The following NOXRED1 variants were observed in gnomAD, a reference collection of about 807,000 sequenced individuals.
NOXRED1 encodes the protein NADP dependent oxidoreductase domain containing 1.
Under a neutral mutation model 30.4 loss-of-function variants are expected in NOXRED1, and 20 were observed. That is an observed-to-expected ratio of 0.66 (90% CI 0.46 to 0.96). The LOEUF (loss-of-function observed/expected upper bound fraction) is 0.96, where lower values mean the gene tolerates loss of function less well. Ranked by LOEUF, NOXRED1 falls within the 40% of genes least tolerant of loss-of-function variation. The pLI, the probability that NOXRED1 is intolerant of heterozygous loss-of-function variation, is 0.00. For synonymous variants in NOXRED1, 155 were observed against 168.0 expected, an observed-to-expected ratio of 0.92 and a Z score of 0.60; for missense variants, 374 against 428.0, an observed-to-expected ratio of 0.87 and a Z score of 1.11.
At chr14:77,406,371 T>C in intron 4 of NOXRED1, 1 of 596,668 alleles carries the variant, frequency 1.7e-6, no homozygotes, top group South Asian at 2.1e-5. Flanking sequence ...TAGACATTGC[T>C]AATGGCAAAA....
Position 77,414,147 on chromosome 14 carries a change from A to T in NOXRED1, c.156-20T>A. The T allele has an allele frequency of 2.7e-6, 4 of 1,497,950 alleles. No homozygotes were observed. Among genetic ancestry groups the T allele is most frequent in the Non-Finnish European group, 3.7e-6 (4 of 1,094,838 alleles). 92.8% of individuals were successfully genotyped at this position (1,497,950 alleles called of 1,614,324 possible). Reference sequence around the variant, plus strand: ...GATGCTCTGGAGAATGAACACACAGACACGTACATAAATACATGCACACAC... The same window carrying T: ...GATGCTCTGGAGAATGAACACACAGTCACGTACATAAATACATGCACACAC... On this transcript the variant is annotated intron_variant, in intron 1 of 5. Transcript: ENST00000380835.
At chr14:77,409,735 G>A (rs1001628862) in intron 2 of NOXRED1, among the ~76,000 whole-genome samples, 1 of 151,638 alleles carries the variant, frequency 6.6e-6, no homozygotes, top group Non-Finnish European at 1.5e-5. Flanking sequence ...ATATTGCTTT[G>A]CAAAGAATAT....
chr14:77,396,451 G>A (rs950892954), intron 5 of NOXRED1, among the ~76,000 whole-genome samples: 2 of 151,878 alleles, frequency 1.3e-5, no homozygotes, highest in African/African-American at 4.8e-5. Flanking sequence ...GTTTCTCCAT[G>A]TTCATCAGGC....
At chr14:77,410,670 A>G (rs917096893) in intron 2 of NOXRED1, among the ~76,000 whole-genome samples, 2 of 152,180 alleles carry the variant, frequency 1.3e-5, no homozygotes, top group African/African-American at 4.8e-5. Context: ...TAAGAAAAAT[A>G]CAGGCACACC....
chr14:77,425,027 G>GT (rs1399155214), upstream of NOXRED1, among the ~76,000 whole-genome samples: 3 of 152,140 alleles, frequency 2.0e-5, no homozygotes, highest in Non-Finnish European at 4.4e-5. Flanking sequence ...CCTGGGCCAG[G>GT]TGTTTTTCAT....
intron 1 of NOXRED1, among the ~76,000 whole-genome samples, chr14:77,419,858 T>C (rs1286916032): frequency 6.6e-6 from 1 of 152,218 alleles, no homozygotes; most frequent in Non-Finnish European, 1.5e-5. Flanking sequence ...GGGAACTCCC[T>C]TGCATGTGAT....
chr14:77,416,282 C>T (rs1894818033), intron 1 of NOXRED1, among the ~76,000 whole-genome samples: 1 of 152,116 alleles, frequency 6.6e-6, no homozygotes, highest in African/African-American at 2.4e-5. Flanking sequence ...AGGACAATAG[C>T]GTGGGAAGGT....
chr14:77,404,195 A>T (rs1469357110), intron 5 of NOXRED1, among the ~76,000 whole-genome samples: 1 of 152,222 alleles, frequency 6.6e-6, no homozygotes, highest in Non-Finnish European at 1.5e-5. Flanking sequence ...GAAACAAGAG[A>T]TGTTTCCATG....
At chr14:77,407,997 A>G (rs1894528645) in intron 2 of NOXRED1, among the ~76,000 whole-genome samples, 1 of 151,038 alleles carries the variant, frequency 6.6e-6, no homozygotes, top group African/African-American at 2.4e-5. Flanking sequence ...CTGCTCAAGT[A>G]GCTGAGATTA....
At chr14:77,418,699 GT>G (rs1049864797) in intron 1 of NOXRED1, among the ~76,000 whole-genome samples, 33 of 141,758 alleles carry the variant, frequency 2.3e-4, no homozygotes, top group Non-Finnish European at 2.8e-4. Flanking sequence ...CCAGCTAATT[GT>G]TTTTTTTTTT....
upstream of NOXRED1, among the ~76,000 whole-genome samples, chr14:77,424,678 C>T (rs1424266097): frequency 6.6e-6 from 1 of 152,182 alleles, no homozygotes; most frequent in Non-Finnish European, 1.5e-5. Context: ...GTTGTACAGA[C>T]ATGAATTCTA....
intron 4 of NOXRED1, 92 bp from the exon 5 acceptor site, chr14:77,406,227 C>A: frequency 1.2e-6 from 1 of 812,438 alleles, no homozygotes; most frequent in Non-Finnish European, 2.0e-6. Context: ...GAATAGCCGC[C>A]TTTTTTCCAA....
chr14:77,410,205 G>C (rs908893800), intron 2 of NOXRED1, among the ~76,000 whole-genome samples: 12 of 152,066 alleles, frequency 7.9e-5, no homozygotes, highest in African/African-American at 2.7e-4. Flanking sequence ...GGGTGAAGTG[G>C]GAGGACTGGT....
At chr14:77,398,648 C>T (rs1255044942) in intron 5 of NOXRED1, among the ~76,000 whole-genome samples, 1 of 152,138 alleles carries the variant, frequency 6.6e-6, no homozygotes, top group Non-Finnish European at 1.5e-5. Context: ...GAACACTTCC[C>T]CTCCTCAACT....
chr14:77,403,706 C>T (rs1894385188), intron 5 of NOXRED1, among the ~76,000 whole-genome samples: 1 of 152,022 alleles, frequency 6.6e-6, no homozygotes, highest in Non-Finnish European at 1.5e-5. Flanking sequence ...AACAGGCCCA[C>T]CAAGTGCTCA....
chr14:77,416,347 C>T (rs955830094), intron 1 of NOXRED1, among the ~76,000 whole-genome samples: 5 of 152,120 alleles, frequency 3.3e-5, no homozygotes, highest in Admixed American at 2.0e-4. Context: ...GAGGACCTTG[C>T]GGCCTTCCAC....
At chr14:77,401,737 A>C (rs749781521) in intron 5 of NOXRED1, among the ~76,000 whole-genome samples, 6 of 152,246 alleles carry the variant, frequency 3.9e-5, no homozygotes, top group Non-Finnish European at 7.3e-5. Flanking sequence ...TAGCCAACTC[A>C]GTATTGAAAT....
At chr14:77,408,060 G>A (rs2139679229) in intron 2 of NOXRED1, among the ~76,000 whole-genome samples, 1 of 152,138 alleles carries the variant, frequency 6.6e-6, no homozygotes, top group East Asian at 1.9e-4. Flanking sequence ...TAGAGACGGG[G>A]TTTCACTATG....
At chr14:77,415,505 G>A (rs1894786440) in intron 1 of NOXRED1, among the ~76,000 whole-genome samples, 1 of 151,968 alleles carries the variant, frequency 6.6e-6, no homozygotes, top group African/African-American at 2.4e-5. Flanking sequence ...GGGAGGTGGA[G>A]GTTGCAGTGA....
Sources: allele counts gnomAD v4.1 joint callset (sites outside exome capture counted in the v4.1 genomes callset), GRCh38; gene constraint gnomAD v4.1.1; transcripts MANE v1.5; gene names NCBI Gene and HGNC (gene_info 2026-07-23, HGNC 2026-07-21).